The following PRKDC variants were observed in gnomAD, a reference collection of about 807,000 sequenced individuals.
PRKDC encodes DNA-dependent protein kinase catalytic subunit.
A neutral mutation model predicts 486.9 loss-of-function variants in PRKDC; 82 were observed. That is an observed-to-expected ratio of 0.17 (90% CI 0.14 to 0.20). The LOEUF (loss-of-function observed/expected upper bound fraction) is 0.20. PRKDC is among the 10% of genes least tolerant of loss of function. PRKDC has a pLI of 1.00. For synonymous variants in PRKDC, 1,895 were observed against 1,837.0 expected (o/e 1.03, Z -0.81); for missense variants, 4,504 against 5,038.2 (o/e 0.89, Z 3.21).
intron 32 of PRKDC, among the ~76,000 whole-genome samples, chr8:47,889,888 A>C (rs1162707116): frequency 2.0e-5 from 3 of 152,124 alleles, no homozygotes; most frequent in Admixed American, 1.3e-4. Flanking sequence ...CCATCAGAAA[A>C]AATGTTACAT....
chr8:47,893,769 A>G (rs569155274), intron 30 of PRKDC, among the ~76,000 whole-genome samples: 49 of 152,374 alleles, frequency 3.2e-4, no homozygotes, highest in Non-Finnish European at 5.7e-4. Context: ...TGCTTAGAAT[A>G]ACGTCTACCA....
At chr8:47,905,408 T>A (rs1263237628) in intron 25 of PRKDC, among the ~76,000 whole-genome samples, 3 of 152,224 alleles carry the variant, frequency 2.0e-5, no homozygotes, top group Admixed American at 2.0e-4. Context: ...TCATTGTTCC[T>A]CTGATTGGGA....
Position 47,854,113 on chromosome 8 carries a change from T to C in PRKDC, c.6863A>G (p.Tyr2288Cys), listed in dbSNP as rs745998661. ...ACTCTGGATGCCACACTGTGGGTCATAGGGAGGCAGGTCATTGGCCATCAC... is the reference window on the plus strand; with the variant it reads ...ACTCTGGATGCCACACTGTGGGTCACAGGGAGGCAGGTCATTGGCCATCAC... ...GIVMANDLPP[Y>C]DPQCGIQSSE... The change falls in exon 51 of 86, where the codon TAT (tyrosine) becomes TGT (cysteine). Residue 2288 changes from tyrosine to cysteine, a missense_variant. Coordinates refer to ENST00000314191, the MANE Select transcript of PRKDC (RefSeq NM_006904.7). The C allele has an allele frequency of 9.3e-6, 15 of 1,613,966 alleles. No individual in the cohort carries two copies. Among genetic ancestry groups the C allele is most frequent in the Admixed American group, 8.3e-5 (5 of 60,018 alleles).
Position 47,803,299 on chromosome 8 carries a change from A to G in PRKDC, c.9922+7T>C, listed in dbSNP as rs747276864. On this transcript the variant is annotated splice_region_variant and intron_variant, in intron 70 of 85. Coordinates refer to ENST00000314191, the MANE Select transcript of PRKDC (RefSeq NM_006904.7). The stretch of plus-strand genomic sequence containing the variant: ...AAGATATAAGTGGATAAAAGCGGTC[A>G]ACTTACCCAACAAAGAGACTGTTTT... The G allele has an allele frequency of 2.2e-5, 36 of 1,600,780 alleles. No individual in the cohort carries two copies. Among genetic ancestry groups the G allele is most frequent in the Non-Finnish European group, 3.0e-5 (35 of 1,173,962 alleles).
chr8:47,885,149 T>A (rs2089299511), intron 36 of PRKDC, among the ~76,000 whole-genome samples: 1 of 152,194 alleles, frequency 6.6e-6, no homozygotes. Flanking sequence ...TAACACTCAT[T>A]AGCTATTTCT....
intron 56 of PRKDC, 103 bp from the exon 57 acceptor site, chr8:47,837,522 A>T (rs2088054334): frequency 1.1e-6 from 1 of 875,894 alleles, no homozygotes; most frequent in African/African-American, 1.7e-5. Flanking sequence ...CTTCACCCAC[A>T]TGAAGCTTAA....
Position 47,783,769 on chromosome 8 carries a change from G to T in PRKDC, c.11148C>A (p.His3716Gln). Reference protein sequence around the residue: ...DGRGKPLPEYHVRIAGFDERV... With the variant: ...DGRGKPLPEYQVRIAGFDERV... ...GCTCATCAAACCCGGCGATTCGCAC[G>T]TGGTACTCTGGCAATGGCTTTCCCC... is the stretch of plus-strand genomic sequence containing the variant. Residue 3716 changes from histidine to glutamine, a missense_variant, in exon 78 of 86, where the codon CAC becomes CAA. His to Gln is a conservative substitution (Grantham distance 24). Transcript: ENST00000314191. The T allele has an allele frequency of 6.2e-7, 1 of 1,613,896 alleles. No homozygotes were observed. The highest frequency in any genetic ancestry group is 8.5e-7 in the Non-Finnish European group (1 of 1,179,882).
At chr8:47,855,489 T>A in intron 49 of PRKDC, 116 bp from the exon 50 acceptor site, 1 of 1,078,480 alleles carries the variant, frequency 9.3e-7, no homozygotes, top group Non-Finnish European at 1.3e-6. Context: ...CGGCTCCTGT[T>A]GAAAGCCCTG....
At chr8:47,819,846 T>C (rs1047700875) in intron 66 of PRKDC, among the ~76,000 whole-genome samples, 1 of 152,186 alleles carries the variant, frequency 6.6e-6, no homozygotes, top group Admixed American at 6.6e-5. Context: ...CTTTTTTTGA[T>C]AAACTTCCTC....
chr8:47,784,384 C>A (rs934098708), intron 77 of PRKDC, among the ~76,000 whole-genome samples: 1 of 152,130 alleles, frequency 6.6e-6, no homozygotes, highest in Non-Finnish European at 1.5e-5. Flanking sequence ...ATTCTCAAGG[C>A]CAATCAAGCT....
chr8:47,822,828 G>GTC (rs1286011315), intron 64 of PRKDC, among the ~76,000 whole-genome samples: 2 of 152,094 alleles, frequency 1.3e-5, no homozygotes, highest in Non-Finnish European at 2.9e-5. Context: ...TCATTGAAGA[G>GTC]TCTCACAGGT....
At chr8:47,792,067 A>G (rs2086891576) in intron 74 of PRKDC, among the ~76,000 whole-genome samples, 1 of 152,168 alleles carries the variant, frequency 6.6e-6, no homozygotes, top group Non-Finnish European at 1.5e-5. Context: ...ACTGAAGGAC[A>G]TTATGTGAAA....
rs2154500189 is a variant in PRKDC, at chr8:47,849,189, T to C, written c.7245A>G (p.Leu2415=). The C allele has an allele frequency of 1.2e-6, 2 of 1,614,018 alleles. No individual in the cohort carries two copies. Among genetic ancestry groups the C allele is most frequent in the Admixed American group, 1.7e-5 (1 of 60,028 alleles). The part of the protein sequence containing the change: ...VEGMTELYFQ[L]KSKDFVQVMR... ...TGACTTGAACGAAGTCCTTGCTCTT[T>C]AACTGGAAGTACAGCTCTGTCATTC... Residue 2415 remains leucine, a synonymous_variant, in exon 54 of 86, where the codon TTA becomes TTG. Coordinates refer to ENST00000314191, the MANE Select transcript of PRKDC (RefSeq NM_006904.7).
At chr8:47,915,246 T>G in intron 23 of PRKDC, 82 bp downstream of exon 23, 1 of 748,528 alleles carries the variant, frequency 1.3e-6, no homozygotes, top group South Asian at 1.9e-5. Context: ...GAGCAAATAT[T>G]CAGAATATAT....
intron 68 of PRKDC, among the ~76,000 whole-genome samples, chr8:47,813,575 A>T (rs2087379000): frequency 1.4e-5 from 2 of 147,668 alleles, no homozygotes; most frequent in Admixed American, 6.8e-5. Flanking sequence ...ATCTTATATA[A>T]TTTTTTTTTT....
chr8:47,919,054 C>T (rs1165181781), intron 21 of PRKDC, among the ~76,000 whole-genome samples: 1 of 152,066 alleles, frequency 6.6e-6, no homozygotes, highest in Non-Finnish European at 1.5e-5. Flanking sequence ...ACTCAACACC[C>T]CACTGCCCCG....
chr8:47,897,351 C>T (rs546877559), intron 29 of PRKDC, 57 bp from the exon 30 acceptor site: 1 of 1,464,400 alleles, frequency 6.8e-7, no homozygotes, highest in Non-Finnish European at 9.1e-7. Context: ...CATTCAGCTA[C>T]CAAGGCTCTA....
chr8:47,800,623 T>C (rs576542423), intron 71 of PRKDC, among the ~76,000 whole-genome samples, 170 bp downstream of exon 71: 167 of 151,952 alleles, frequency 1.1e-3, no homozygotes, highest in African/African-American at 3.7e-3. Context: ...ATTTAGAAAA[T>C]AAATAAATAA....
chr8:47,959,906 C>A, intron 1 of PRKDC, 67 bp downstream of exon 1: 1 of 1,513,610 alleles, frequency 6.6e-7, no homozygotes, highest in East Asian at 2.5e-5. Flanking sequence ...AAGCGCCGGG[C>A]TGCCCGGCTC....
Sources: allele counts gnomAD v4.1 joint callset (sites outside exome capture counted in the v4.1 genomes callset), GRCh38; gene constraint gnomAD v4.1.1; transcripts MANE v1.5; gene names NCBI Gene and HGNC (gene_info 2026-07-23, HGNC 2026-07-21).